The following PRKAR1B variants were observed in gnomAD, a reference collection of about 807,000 sequenced individuals.
PRKAR1B encodes cAMP-dependent protein kinase type I-beta regulatory subunit.
Under a neutral mutation model 46.5 loss-of-function variants are expected in PRKAR1B, and 22 were observed. The ratio of observed to expected loss-of-function variants is 0.47; its 90% CI spans 0.34 to 0.68. PRKAR1B has a LOEUF of 0.68. Among genes scored for constraint, PRKAR1B ranks in the 30% least tolerant of loss-of-function variants. The probability of loss-of-function intolerance (pLI) is 0.01; values close to 1 mark genes in which losing one functional copy is unlikely to be tolerated. For missense variants in PRKAR1B, 445 were observed against 535.6 expected (o/e 0.83, Z 1.67); for synonymous variants, 259 against 217.7 (o/e 1.19, Z -1.67).
intron 2 of PRKAR1B, among the ~76,000 whole-genome samples, chr7:704,766 C>T (rs1050709163): frequency 1.3e-5 from 2 of 152,098 alleles, no homozygotes; most frequent in African/African-American, 2.4e-5. Context: ...AAGACTCTGT[C>T]TCGGAGTAAA....
chr7:684,750 A>G (rs1313359332), intron 2 of PRKAR1B, among the ~76,000 whole-genome samples: 1 of 152,120 alleles, frequency 6.6e-6, no homozygotes, highest in Non-Finnish European at 1.5e-5. Flanking sequence ...TTACAGTGGA[A>G]ATTCCCAAAC....
intron 2 of PRKAR1B, among the ~76,000 whole-genome samples, chr7:700,560 G>A (rs908670116): frequency 6.6e-6 from 1 of 152,094 alleles, no homozygotes; most frequent in African/African-American, 2.4e-5. Flanking sequence ...GAGATGACGG[G>A]ATTATCAGGT....
intron 8 of PRKAR1B, among the ~76,000 whole-genome samples, chr7:581,620 T>TA (rs1174079308): frequency 1.3e-5 from 2 of 152,220 alleles, no homozygotes; most frequent in Admixed American, 1.3e-4. Flanking sequence ...TTGAAACCTG[T>TA]AGTATTCTGA....
chr7:584,422 C>G lies in PRKAR1B; in HGVS notation c.769+86G>C, dbSNP rs1018391861. ...ATACCAACAACACTCAACTGCCAGC[C>G]ACGCAGGGAATGGGGAAGAGGCCGG... On this transcript the variant is annotated intron_variant, in intron 8 of 10. Transcript: ENST00000537384. 26 of 1,179,456 alleles carry G rather than the reference C, an allele frequency of 2.2e-5. No individual in the cohort carries two copies. The Middle Eastern group carries it at 6.3e-4, about 28-fold the overall frequency. The allele number at this position is 1,179,456 out of a possible 1,614,324, so 73.1% of individuals were successfully genotyped here. A position where few individuals can be genotyped will look rare whatever the true frequency, so the allele number is the denominator to read the frequency against.
At chr7:618,913 C>T (rs867436163) in intron 4 of PRKAR1B, among the ~76,000 whole-genome samples, 6 of 152,166 alleles carry the variant, frequency 3.9e-5, no homozygotes, top group African/African-American at 1.4e-4. Context: ...TCTGATGTAA[C>T]CTCTTTTTTG....
intron 9 of PRKAR1B, among the ~76,000 whole-genome samples, chr7:559,674 C>T (rs912761672): frequency 1.3e-5 from 2 of 152,164 alleles, no homozygotes; most frequent in Non-Finnish European, 2.9e-5. Context: ...GGCAGTGAGC[C>T]GGAGTCTCGA....
intron 2 of PRKAR1B, among the ~76,000 whole-genome samples, chr7:685,290 G>GTATA (rs1562615533): frequency 0.077 from 998 of 12,992 alleles, 78 homozygotes; most frequent in East Asian, 0.28. Flanking sequence ...GTATATATAT[G>GTATA]TATACATATA....
At chr7:726,952 C>T in intron 1 of PRKAR1B, 1 of 1,330,272 alleles carries the variant, frequency 7.5e-7, no homozygotes. Flanking sequence ...GCGCCTACTG[C>T]TGCCGCGCTT....
chr7:629,583 G>T (rs10251616), intron 4 of PRKAR1B, among the ~76,000 whole-genome samples: 3,818 of 43,350 alleles, frequency 0.088, 1 homozygote, highest in East Asian at 0.22. Context: ...CCACCCCAGG[G>T]CTGGAAAACG....
chr7:561,346 G>C lies in PRKAR1B; in HGVS notation c.892-9876C>G, dbSNP rs567778852. Among the ~76,000 whole-genome samples the C allele has an allele frequency of 3.0e-4, 45 of 152,328 alleles. No individual in the cohort carries two copies. In the South Asian group the frequency reaches 8.5e-3, roughly 29 times the overall value. On this transcript the variant is annotated intron_variant, in intron 9 of 10. Coordinates refer to ENST00000537384, the MANE Select transcript of PRKAR1B (RefSeq NM_001164760.2). Reference sequence around the variant, plus strand: ...TCTAAAGCACTCCCAGGTGCTCTGTGATTTCTCCTGAATAAATAAGCCCCA... The same window carrying C: ...TCTAAAGCACTCCCAGGTGCTCTGTCATTTCTCCTGAATAAATAAGCCCCA...
At chr7:680,051 G>A (rs1164308710) in intron 3 of PRKAR1B, among the ~76,000 whole-genome samples, 10 of 151,920 alleles carry the variant, frequency 6.6e-5, no homozygotes, top group East Asian at 3.9e-4. Context: ...CCAGCTACTC[G>A]GGAGGCTGAG....
intron 9 of PRKAR1B, among the ~76,000 whole-genome samples, 163 bp from the exon 10 acceptor site, chr7:551,633 C>T (rs1347152672): frequency 6.7e-6 from 1 of 150,084 alleles, no homozygotes; most frequent in African/African-American, 2.5e-5. Context: ...CAAACCCCCA[C>T]CTCCCACCCA....
chr7:599,562 A>G (rs1781473798), intron 6 of PRKAR1B, among the ~76,000 whole-genome samples: 1 of 152,222 alleles, frequency 6.6e-6, no homozygotes, highest in African/African-American at 2.4e-5. Context: ...TGCTGGGATT[A>G]CAGGCGTGAG....
At chr7:675,917 G>C (rs1786554619) in intron 4 of PRKAR1B, among the ~76,000 whole-genome samples, 1 of 152,218 alleles carries the variant, frequency 6.6e-6, no homozygotes, top group South Asian at 2.1e-4. Flanking sequence ...CTGCAGTCCA[G>C]CCTGGGCAAC....
chr7:666,086 C>T lies in PRKAR1B; in HGVS notation c.440+11143G>A, dbSNP rs142767330. On this transcript the variant is annotated intron_variant, in intron 4 of 10. Transcript: ENST00000537384. The surrounding 1 kb of genome is among the most constrained non-coding windows in gnomAD (Gnocchi z 4.9). The stretch of plus-strand genomic sequence containing the variant: ...GCCCAACGCACAACACAAACACGCA[C>T]GGTGCCACCCAATTATCACGTTTCT... 1.3e-3 allele frequency among the ~76,000 whole-genome samples: 201 copies of T among 152,316 alleles called. No homozygotes were observed. Among genetic ancestry groups the T allele is most frequent in the African/African-American group, 4.5e-3 (188 of 41,552 alleles).
intron 1 of PRKAR1B, among the ~76,000 whole-genome samples, chr7:711,844 G>T (rs918769057): frequency 1.3e-5 from 2 of 151,956 alleles, no homozygotes; most frequent in Non-Finnish European, 2.9e-5. Context: ...GGAAGAGTGG[G>T]GGGGCCCGGC....
rs995687284 is a variant in PRKAR1B at position 630,123 on chromosome 7, C to T, written c.441-22671G>A. Among the ~76,000 whole-genome samples, 5 of 152,376 alleles carry T rather than the reference C, an allele frequency of 3.3e-5. 1 individual carries two copies. The highest frequency in any genetic ancestry group is 9.6e-5 in the African/African-American group (4 of 41,592). On this transcript the variant is annotated intron_variant, in intron 4 of 10. Coordinates refer to ENST00000537384, the MANE Select transcript of PRKAR1B (RefSeq NM_001164760.2). ...TTTCCACGGCTGCTGCTTCAAAGCA[C>T]AGGCCGGGCCTTGGAAGTGGAGCGC...
intron 5 of PRKAR1B, among the ~76,000 whole-genome samples, chr7:606,905 T>C (rs970867339): frequency 4.6e-5 from 7 of 152,202 alleles, no homozygotes; most frequent in Non-Finnish European, 1.0e-4. Flanking sequence ...TATGTGTACA[T>C]ATATGTATAC....
At chr7:727,286 G>A, upstream of PRKAR1B, 3 of 1,308,050 alleles carry the variant, frequency 2.3e-6, no homozygotes, top group South Asian at 2.1e-5. Context: ...AGCTGCAGCT[G>A]CGCCGCCGCC....
Sources: gnomAD v4.1 joint callset for allele counts (sites outside exome capture counted in the v4.1 genomes callset) on GRCh38, gnomAD v4.1.1 for gene constraint, Gnocchi (gnomAD v3.1) non-coding constraint, MANE v1.5 for transcripts, NCBI Gene and HGNC (gene_info 2026-07-23, HGNC 2026-07-21) for gene names.